Variants in DECR1 observed in about 807,000 individuals in gnomAD.
DECR1 encodes the protein 2,4-dienoyl-CoA reductase [(3E)-enoyl-CoA-producing], mitochondrial.
Under a neutral mutation model 38.8 loss-of-function variants are expected in DECR1, and 44 were observed. That is an observed-to-expected ratio of 1.13 (90% CI 0.89 to 1.46). The LOEUF is 1.46. Among genes scored for constraint, DECR1 ranks in the 40% most tolerant of loss-of-function variants. The pLI is 0.00. For synonymous variants in DECR1, 148 were observed against 135.2 expected (o/e 1.09, Z -0.66); for missense variants, 428 against 405.5 (o/e 1.06, Z -0.48).
Position 90,053,404 on chromosome 8 carries a change from G to C in DECR1, c.*1507G>C, listed in dbSNP as rs981006919. ...TTTATAAAACCATCAGATCTCGTGA[G>C]ACTTATTCACTATCACACTATTGTG... is the stretch of plus-strand genomic sequence containing the variant. On this transcript the variant is annotated 3_prime_UTR_variant, in exon 10 of 10. Transcript: ENST00000220764. Among the ~76,000 whole-genome samples the C allele has an allele frequency of 2.6e-5, 4 of 152,144 alleles. No homozygotes were observed. Among genetic ancestry groups the C allele is most frequent in the African/African-American group, 9.7e-5 (4 of 41,428 alleles).
At position 90,017,173 on chromosome 8, in the gene DECR1, A is replaced by G. The variant is rs564997111; in HGVS notation, c.119A>G (p.Gln40Arg). 3 of 1,614,168 alleles carry G rather than the reference A, an allele frequency of 1.9e-6. No individual in the cohort carries two copies. The highest frequency in any genetic ancestry group is 2.5e-6 in the Non-Finnish European group (3 of 1,179,986). ...TTATATCAAAACACTGAAGCTTTGC[A>G]ATCTAAATTCTTTTCACCTCTTCAA... Reference protein sequence around the residue: ...KILYQNTEALQSKFFSPLQKA... With the variant: ...KILYQNTEALRSKFFSPLQKA... Residue 40 changes from glutamine (Q) to arginine (R), a missense_variant, in exon 2 of 10, where the codon CAA becomes CGA. By Grantham distance (43) the Gln-to-Arg change is conservative (BLOSUM62 1). Transcript: ENST00000220764.
rs538084218 is a variant in DECR1, at chr8:90,037,448, CT to C, written c.665+524del. 3.5e-3 allele frequency among the ~76,000 whole-genome samples: 480 copies of C among 137,142 alleles called. 2 individuals are homozygous for C. The highest frequency in any genetic ancestry group is 0.011 in the Middle Eastern group (3 of 264). 90.0% of individuals were successfully genotyped at this position (137,142 alleles called of 152,430 possible). A position where few individuals can be genotyped will look rare whatever the true frequency, so the allele number is the denominator to read the frequency against. On this transcript the variant is annotated intron_variant, in intron 6 of 9. Transcript: ENST00000220764. ...GCCTTTTCTCAGCAGAGTATAACTG[CT>C]TTTTTTTTTTTTTTTGAGACAGGAC... is the stretch of plus-strand genomic sequence containing the variant.
chr8:90,030,613 T>A (rs919925825), intron 5 of DECR1: 1 of 152,144 alleles, frequency 6.6e-6, no homozygotes, highest in African/African-American at 2.4e-5. Context: ...ATTGACATGA[T>A]CAGTTGGAAT....
intron 8 of DECR1, among the ~76,000 whole-genome samples, chr8:90,051,295 T>C (rs1814084191): frequency 6.7e-6 from 1 of 150,284 alleles, no homozygotes; most frequent in African/African-American, 2.5e-5. Flanking sequence ...TGGCAGGCAA[T>C]AGAGATAAAG....
intron 1 of DECR1, chr8:90,006,227 A>G (rs1402680338): frequency 1.4e-6 from 1 of 704,042 alleles, no homozygotes; most frequent in Non-Finnish European, 2.6e-6. Flanking sequence ...AACTTCTCAC[A>G]GTAGGGAGAT....
In DECR1 at chr8:90,030,623, T is replaced by C. The variant is rs146202507; in HGVS notation, c.566-6218T>C. The C allele has an allele frequency of 1.8e-4, 28 of 152,354 alleles. No homozygotes were observed. In the East Asian group the frequency reaches 5.2e-3, roughly 28 times the overall value. 9.4% of individuals were successfully genotyped at this position (152,354 alleles called of 1,614,324 possible). A position where few individuals can be genotyped will look rare whatever the true frequency, so the allele number is the denominator to read the frequency against. On this transcript the variant is annotated intron_variant, in intron 5 of 9. Coordinates refer to ENST00000220764, the MANE Select transcript of DECR1 (RefSeq NM_001359.2). Reference sequence around the variant, plus strand: ...CAGTCATTGACATGATCAGTTGGAATGGAAGCAAATGCACCTTGTTTCAGA... The same window carrying C: ...CAGTCATTGACATGATCAGTTGGAACGGAAGCAAATGCACCTTGTTTCAGA...
intron 5 of DECR1, among the ~76,000 whole-genome samples, chr8:90,024,857 G>T (rs558868627): frequency 1.3e-5 from 2 of 152,192 alleles, no homozygotes; most frequent in African/African-American, 4.8e-5. Context: ...TTTTAGGTCT[G>T]ACATTTAAGT....
At chr8:90,002,603 C>T (rs1477708734) in intron 1 of DECR1, among the ~76,000 whole-genome samples, 2 of 152,118 alleles carry the variant, frequency 1.3e-5, no homozygotes, top group Non-Finnish European at 2.9e-5. Context: ...ATTAATATGT[C>T]AACTGTGAAA....
rs1326092532 is a variant in DECR1, at chr8:90,006,242, G to A, written c.69+4681G>A. 2.1e-5 allele frequency: 15 copies of A among 704,146 alleles called. No individual in the cohort carries two copies. In the South Asian group the frequency reaches 2.2e-4, roughly 10 times the overall value. The allele number at this position is 704,146 out of a possible 1,614,324, so 43.6% of individuals were successfully genotyped here. On this transcript the variant is annotated intron_variant, in intron 1 of 9. Coordinates refer to ENST00000220764, the MANE Select transcript of DECR1 (RefSeq NM_001359.2). ...AACTTCTCACAGTAGGGAGATGTCA[G>A]GACTGGGGAAGAAGCATCTCCTGCT... is the stretch of plus-strand genomic sequence containing the variant.
In DECR1 at chr8:90,017,251, G is replaced by C; in HGVS notation, c.197G>C (p.Gly66Ala). The change falls in exon 2 of 10, where the codon GGG (glycine) becomes GCG (alanine). Residue 66 changes from glycine (G) to alanine (A), a missense_variant. Transcript: ENST00000220764. ...CAAGGAAAAGTGGCATTCATTACTGGGGGAGGTACTGGCCTTGGTAAAGGA... is the reference window on the plus strand; with the variant it reads ...CAAGGAAAAGTGGCATTCATTACTGCGGGAGGTACTGGCCTTGGTAAAGGA... ...SFQGKVAFIT[G>A]GGTGLGKGMT... 2 of 1,614,162 alleles carry C rather than the reference G, an allele frequency of 1.2e-6. No individual in the cohort carries two copies. Among genetic ancestry groups the C allele is most frequent in the Admixed American group, 3.3e-5 (2 of 60,028 alleles).
At chr8:90,050,699 A>C (rs1586171113) in intron 8 of DECR1, among the ~76,000 whole-genome samples, 1 of 152,226 alleles carries the variant, frequency 6.6e-6, no homozygotes, top group South Asian at 2.1e-4. Context: ...ATTATAAATC[A>C]TGGTGCTATA....
intron 5 of DECR1, among the ~76,000 whole-genome samples, chr8:90,034,695 G>A (rs1270580655): frequency 2.0e-5 from 3 of 151,982 alleles, no homozygotes; most frequent in Non-Finnish European, 4.4e-5. Context: ...CAGGTGATTT[G>A]CTCCCCTTGG....
chr8:90,001,503 C>A lies in DECR1; in HGVS notation c.11C>A (p.Pro4Gln). Residue 4 changes from proline (P) to glutamine (Q), a missense_variant, in exon 1 of 10, where the codon CCG (proline) becomes CAG (glutamine). Coordinates refer to ENST00000220764, the MANE Select transcript of DECR1 (RefSeq NM_001359.2). ...TTCTGGAGACTCAACATGAAGCTACCGGCCAGGGTTTTCTTTACTCTGGGG... is the reference window on the plus strand; with the variant it reads ...TTCTGGAGACTCAACATGAAGCTACAGGCCAGGGTTTTCTTTACTCTGGGG... The part of the protein sequence containing the change: MKL[P>Q]ARVFFTLGSR... 6.2e-7 allele frequency: 1 copy of A among 1,614,026 alleles called. No individual in the cohort carries two copies. Among genetic ancestry groups the A allele is most frequent in the Admixed American group, 1.7e-5 (1 of 60,032 alleles).
chr8:90,048,284 G>T (rs551181462), intron 8 of DECR1, among the ~76,000 whole-genome samples: 42 of 152,032 alleles, frequency 2.8e-4, no homozygotes, highest in African/African-American at 8.0e-4. Context: ...TTGATAGACC[G>T]CTAGCAAGAC....
chr8:90,011,887 A>G (rs188366253), intron 1 of DECR1, among the ~76,000 whole-genome samples: 35 of 152,288 alleles, frequency 2.3e-4, no homozygotes, highest in African/African-American at 7.9e-4. Flanking sequence ...TTGGCCTCCT[A>G]AGAAGTTGCC....
intron 1 of DECR1, among the ~76,000 whole-genome samples, chr8:90,002,362 T>C (rs1457224675): frequency 6.6e-6 from 1 of 152,124 alleles, no homozygotes; most frequent in Admixed American, 6.6e-5. Flanking sequence ...GATGTATAGC[T>C]GGGAGAGGTC....
intron 8 of DECR1, among the ~76,000 whole-genome samples, chr8:90,045,293 G>C (rs552378691): frequency 4.6e-5 from 7 of 152,080 alleles, no homozygotes; most frequent in Admixed American, 4.6e-4. Context: ...GGGAAGCCCT[G>C]ACAGATGGTA....
intron 5 of DECR1, among the ~76,000 whole-genome samples, chr8:90,032,236 T>C (rs1813513959): frequency 6.6e-6 from 1 of 152,134 alleles, no homozygotes; most frequent in Admixed American, 6.6e-5. Context: ...TGTTCATGGT[T>C]ACTGTCAGCT....
At chr8:90,044,712 T>C in intron 7 of DECR1, 137 bp from the exon 8 acceptor site, 1 of 778,534 alleles carries the variant, frequency 1.3e-6, no homozygotes, top group Non-Finnish European at 1.9e-6. Flanking sequence ...AATAATTTGG[T>C]GAAATTCTTT....
Sources: gnomAD v4.1 joint callset for allele counts (sites outside exome capture counted in the v4.1 genomes callset) on GRCh38, gnomAD v4.1.1 for gene constraint, MANE v1.5 for transcripts, NCBI Gene and HGNC (gene_info 2026-07-23, HGNC 2026-07-21) for gene names.